CAMKK2: variants seen among roughly 807,000 people sequenced by gnomAD.
CAMKK2 encodes calcium/calmodulin-dependent protein kinase kinase 2.
A neutral mutation model predicts 67.2 loss-of-function variants in CAMKK2; 30 were observed. The ratio of observed to expected loss-of-function variants is 0.45; its 90% CI spans 0.33 to 0.61. The LOEUF (loss-of-function observed/expected upper bound fraction) is 0.61, where lower values mean the gene tolerates loss of function less well. Ranked by LOEUF, CAMKK2 falls within the 20% of genes least tolerant of loss-of-function variation. The pLI, the probability that CAMKK2 is intolerant of heterozygous loss-of-function variation, is 0.02. For missense variants in CAMKK2, 643 were observed against 802.0 expected (o/e 0.80, Z 2.39); for synonymous variants, 322 against 326.2 (o/e 0.99, Z 0.14).
At chr12:121,277,485 A>C (rs1897026211) in intron 1 of CAMKK2, among the ~76,000 whole-genome samples, 1 of 152,204 alleles carries the variant, frequency 6.6e-6, no homozygotes, top group African/African-American at 2.4e-5. Flanking sequence ...CCAAGTGTCC[A>C]TCAACAGACG....
At chr12:121,260,750 C>T (rs1270451076) in intron 6 of CAMKK2, among the ~76,000 whole-genome samples, 1 of 152,016 alleles carries the variant, frequency 6.6e-6, no homozygotes, top group Non-Finnish European at 1.5e-5. Flanking sequence ...GTCGGGAGTT[C>T]AATACCAGCC....
Position 121,269,562 on chromosome 12 carries a change from T to C in CAMKK2, c.539A>G (p.Lys180Arg). Residue 180 changes from lysine to arginine, a missense_variant, in exon 4 of 17, where the codon AAG (lysine) becomes AGG (arginine). By Grantham distance (26) the Lys-to-Arg change is conservative (BLOSUM62 2). Coordinates refer to ENST00000404169, the MANE Select transcript of CAMKK2 (RefSeq NM_001270485.2). The stretch of plus-strand genomic sequence containing the variant: ...ATTGTCATTTTCATTGTAGGCCAAC[T>C]TGACGACACCATAGGAGCCCTGGAT... ...EIGKGSYGVV[K>R]LAYNENDNTY... is the part of the protein sequence containing the mutation. 6.2e-7 allele frequency: 1 copy of C among 1,608,140 alleles called. No homozygotes were observed. The highest frequency in any genetic ancestry group is 1.3e-5 in the African/African-American group (1 of 74,988).
intron 1 of CAMKK2, among the ~76,000 whole-genome samples, chr12:121,275,793 T>C (rs907752403): frequency 6.6e-5 from 10 of 152,240 alleles, no homozygotes; most frequent in East Asian, 3.9e-4. Flanking sequence ...TTGCACAGCA[T>C]TGTGAACGTA....
intron 1 of CAMKK2, among the ~76,000 whole-genome samples, chr12:121,290,913 G>A (rs751016017): frequency 2.9e-4 from 44 of 152,092 alleles, no homozygotes; most frequent in Non-Finnish European, 6.0e-4. Context: ...TCTGCCTCCC[G>A]GGTTCAAGCG....
chr12:121,260,827 CTGAGTAA>C (rs1439074840), intron 6 of CAMKK2, among the ~76,000 whole-genome samples: 1 of 151,758 alleles, frequency 6.6e-6, no homozygotes, highest in Non-Finnish European at 1.5e-5. Flanking sequence ...TGGTGCATGC[CTGAGTAA>C]TCCACCTACT....
intron 5 of CAMKK2, among the ~76,000 whole-genome samples, chr12:121,264,731 G>A (rs931206084): frequency 2.0e-5 from 3 of 151,496 alleles, no homozygotes; most frequent in African/African-American, 4.9e-5. Context: ...CCAAGATAGC[G>A]CCACTGCACT....
chr12:121,289,834 G>A (rs574011713), intron 1 of CAMKK2, among the ~76,000 whole-genome samples: 21 of 151,602 alleles, frequency 1.4e-4, no homozygotes, highest in African/African-American at 2.2e-4. Flanking sequence ...CAGAGGTTGC[G>A]GTGAGCTGAG....
intron 1 of CAMKK2, among the ~76,000 whole-genome samples, chr12:121,279,933 G>A (rs577835001): frequency 6.6e-5 from 10 of 152,328 alleles, no homozygotes; most frequent in East Asian, 5.8e-4. Flanking sequence ...GCTACCTCCC[G>A]CGCAGCAAGC....
At chr12:121,256,957 G>T (rs1892416460) in intron 7 of CAMKK2, among the ~76,000 whole-genome samples, 2 of 151,808 alleles carry the variant, frequency 1.3e-5, no homozygotes, top group South Asian at 4.1e-4. Flanking sequence ...ACGTGGTATA[G>T]TTATTTAATT....
At chr12:121,248,480 C>A in intron 14 of CAMKK2, 126 bp downstream of exon 14, 1 of 1,066,018 alleles carries the variant, frequency 9.4e-7, no homozygotes, top group South Asian at 1.4e-5. Context: ...AGGCCAGCAG[C>A]TGTGGATTAG....
At chr12:121,268,181 T>C (rs1221714277) in intron 5 of CAMKK2, among the ~76,000 whole-genome samples, 3 of 150,760 alleles carry the variant, frequency 2.0e-5, no homozygotes, top group Non-Finnish European at 4.4e-5. Context: ...CCGTGTGTGC[T>C]GTTTCCACTT....
intron 1 of CAMKK2, among the ~76,000 whole-genome samples, chr12:121,289,252 GA>G (rs113246108): frequency 3.4e-4 from 49 of 144,652 alleles, no homozygotes; most frequent in Middle Eastern, 7.1e-3. Context: ...TTTCATAATT[GA>G]AAAAAAAAAA....
chr12:121,289,970 A>C (rs749923446), intron 1 of CAMKK2, among the ~76,000 whole-genome samples: 16 of 151,882 alleles, frequency 1.1e-4, no homozygotes, highest in Non-Finnish European at 2.1e-4. Flanking sequence ...ACATCAGGAA[A>C]GGATACAGAT....
intron 16 of CAMKK2, among the ~76,000 whole-genome samples, chr12:121,242,591 G>T (rs1888589598): frequency 6.6e-6 from 1 of 152,192 alleles, no homozygotes; most frequent in South Asian, 2.1e-4. Context: ...TGAGACTGCT[G>T]AAGACCGGTT....
Position 121,244,086 on chromosome 12 carries a change from T to TA in CAMKK2, c.1596+486dup, listed in dbSNP as rs772237108. ...GCATCCACTCGGGTGAGGGAACTCT[T>TA]ACGTTACTTTGCAACAGGCAGGAAG... On this transcript the variant is annotated intron_variant, in intron 16 of 16. Transcript: ENST00000404169. 9.9e-6 allele frequency: 16 copies of TA among 1,610,520 alleles called. No homozygotes were observed. In the East Asian group the frequency reaches 1.8e-4, roughly 18 times the overall value.
At chr12:121,261,734 C>T (rs1269258379) in intron 6 of CAMKK2, among the ~76,000 whole-genome samples, 1 of 152,246 alleles carries the variant, frequency 6.6e-6, no homozygotes, top group African/African-American at 2.4e-5. Context: ...GGCTTCCAGC[C>T]CTTTCCACAT....
intron 3 of CAMKK2, 131 bp from the exon 4 acceptor site, chr12:121,269,712 C>T: frequency 1.4e-6 from 1 of 711,158 alleles, no homozygotes; most frequent in Non-Finnish European, 2.4e-6. Context: ...TTGTTGGAGC[C>T]CAGGTTTTTA....
rs1228222625 is a variant in CAMKK2, at chr12:121,245,725, A to T, written c.1453-485T>A. On this transcript the variant is annotated intron_variant, in intron 14 of 16. Coordinates refer to ENST00000404169, the MANE Select transcript of CAMKK2 (RefSeq NM_001270485.2). This position sits in a 1 kb window ranked among gnomAD's most constrained non-coding sequence, Gnocchi z 5.8. ...TAAGAGTCACTGGGCCCCTCACCCCACCCCAACCAGGGCACGGTGCCCCTT... is the reference window on the plus strand; with the variant it reads ...TAAGAGTCACTGGGCCCCTCACCCCTCCCCAACCAGGGCACGGTGCCCCTT... 6.6e-6 allele frequency among the ~76,000 whole-genome samples: 1 copy of T among 152,030 alleles called. No individual in the cohort carries two copies. Among genetic ancestry groups the T allele is most frequent in the South Asian group, 2.1e-4 (1 of 4,812 alleles).
chr12:121,244,707 C>A, intron 15 of CAMKK2, 92 bp from the exon 16 acceptor site: 1 of 1,039,444 alleles, frequency 9.6e-7, no homozygotes, highest in Non-Finnish European at 1.4e-6. Flanking sequence ...CACTCAGACC[C>A]CAAACACCAG....
Sources: allele counts gnomAD v4.1 joint callset (sites outside exome capture counted in the v4.1 genomes callset), GRCh38; gene constraint gnomAD v4.1.1; non-coding constraint Gnocchi (gnomAD v3.1); transcripts MANE v1.5; gene names NCBI Gene and HGNC (gene_info 2026-07-23, HGNC 2026-07-21).